Variants in TTC23L observed in about 807,000 individuals in gnomAD.
TTC23L encodes tetratricopeptide repeat domain 23 like, also known as tetratricopeptide repeat protein 23-like.
TTC23L carries 42 observed loss-of-function variants against 48.1 expected under a neutral mutation model. That is an observed-to-expected ratio of 0.87 (90% CI 0.68 to 1.13). TTC23L has a LOEUF of 1.13. TTC23L is among the 50% of genes most tolerant of loss of function. The pLI is 0.00. For missense variants in TTC23L, 391 were observed against 421.0 expected (o/e 0.93, Z 0.62); for synonymous variants, 159 against 157.2 (o/e 1.01, Z -0.09).
chr5:34,888,526 C>T, intron 9 of TTC23L: 4 of 985,232 alleles, frequency 4.1e-6, no homozygotes, highest in Non-Finnish European at 4.8e-6. Context: ...GCCTCCTTAC[C>T]CTGTGGCAGA....
chr5:34,923,563 C>T, the TTC23L span, among the ~76,000 whole-genome samples: 1 of 152,216 alleles, frequency 6.6e-6, no homozygotes. Flanking sequence ...CAGGCGTGAG[C>T]CACTACACCC....
the TTC23L span, chr5:34,907,122 G>A: frequency 6.6e-6 from 1 of 152,184 alleles, no homozygotes; most frequent in African/African-American, 2.4e-5. Flanking sequence ...GCCTGCCATT[G>A]TGCTGGAGTA....
At chr5:34,924,817 C>T in the TTC23L span, 1 of 1,543,814 alleles carries the variant, frequency 6.5e-7, no homozygotes, top group Non-Finnish European at 8.9e-7. Context: ...CGTAACCAAA[C>T]CAAAATGAAA....
At chr5:34,925,468 G>A in the TTC23L span, 2 of 1,613,012 alleles carry the variant, frequency 1.2e-6, no homozygotes, top group African/African-American at 2.7e-5. Flanking sequence ...AAATGAAACA[G>A]AGGATGGACA....
chr5:34,911,859 G>A, the TTC23L span: 2 of 1,577,882 alleles, frequency 1.3e-6, no homozygotes, highest in South Asian at 1.2e-5. Flanking sequence ...ATAGTTCTGG[G>A]TTCAGCTTCT....
intron 7 of TTC23L, chr5:34,867,346 A>C (rs1580453568): frequency 2.2e-6 from 1 of 456,366 alleles, no homozygotes; most frequent in Non-Finnish European, 4.0e-6. Flanking sequence ...TGTAAAAAAG[A>C]AGCAAAATGT....
chr5:34,901,703 G>A (rs1016868635), downstream of TTC23L, among the ~76,000 whole-genome samples: 3 of 152,048 alleles, frequency 2.0e-5, no homozygotes, highest in African/African-American at 7.2e-5. Flanking sequence ...TGGAGGTTGC[G>A]GTGAGCTGAG....
intron 9 of TTC23L, chr5:34,880,582 T>C (rs1342277764): frequency 2.2e-6 from 1 of 446,466 alleles, no homozygotes; most frequent in African/African-American, 2.1e-5. Context: ...AGGGACTCGA[T>C]ATTGATGGCA....
chr5:34,910,854 A>G, the TTC23L span, among the ~76,000 whole-genome samples: 4 of 152,204 alleles, frequency 2.6e-5, no homozygotes, highest in Non-Finnish European at 5.9e-5. Flanking sequence ...CCTCTCTCTA[A>G]ATTGCTAGAA....
At chr5:34,853,916 G>C (rs1416021807) in intron 4 of TTC23L, among the ~76,000 whole-genome samples, 1 of 152,200 alleles carries the variant, frequency 6.6e-6, no homozygotes, top group Non-Finnish European at 1.5e-5. Context: ...GAAGGCATTT[G>C]AGAGGGAGAT....
At chr5:34,858,136 A>G (rs1293545384) in intron 4 of TTC23L, among the ~76,000 whole-genome samples, 1 of 152,246 alleles carries the variant, frequency 6.6e-6, no homozygotes, top group Non-Finnish European at 1.5e-5. Flanking sequence ...CTTGGGCTCC[A>G]GAAGCAGGCC....
chr5:34,908,573 T>A, the TTC23L span: 11 of 505,070 alleles, frequency 2.2e-5, no homozygotes, highest in Non-Finnish European at 3.9e-5. Context: ...AGGAAAACAT[T>A]TATTTACATG....
In TTC23L at chr5:34,892,798, C is replaced by T. The variant is rs990883312; in HGVS notation, c.1078-3972C>T. Among the ~76,000 whole-genome samples the T allele has an allele frequency of 3.3e-5, 5 of 151,960 alleles. No homozygotes were observed. The East Asian group carries it at 9.6e-4, about 29-fold the overall frequency. ...ATTGCTGAGGAAAAGCAAGTGGCCT[C>T]GAGTGGTTGTAGTTTAAGGTACCTA... is the stretch of plus-strand genomic sequence containing the variant. On this transcript the variant is annotated intron_variant, in intron 9 of 10. Transcript: ENST00000505624.
At chr5:34,925,395 T>C in the TTC23L span, 1 of 1,613,844 alleles carries the variant, frequency 6.2e-7, no homozygotes, top group Non-Finnish European at 8.5e-7. Context: ...ATACAGTGGG[T>C]AAAACCAGAG....
chr5:34,841,322 A>G (rs1758653453), intron 2 of TTC23L, among the ~76,000 whole-genome samples: 2 of 152,180 alleles, frequency 1.3e-5, no homozygotes, highest in South Asian at 2.1e-4. Flanking sequence ...AGCACATACT[A>G]TGTGCCAGGC....
At chr5:34,882,618 T>TACACACACACACAC (rs146120966) in intron 9 of TTC23L, among the ~76,000 whole-genome samples, 2,873 of 140,862 alleles carry the variant, frequency 0.02, 58 homozygotes, top group South Asian at 0.057. Flanking sequence ...TCCCATGGAC[T>TACACACACACACAC]ACACACACAC....
At chr5:34,862,457 T>G (rs376932612) in intron 4 of TTC23L, among the ~76,000 whole-genome samples, 199 of 152,312 alleles carry the variant, frequency 1.3e-3, no homozygotes, top group African/African-American at 4.5e-3. Flanking sequence ...AAGGGTCAGC[T>G]TCTATAATTA....
At chr5:34,846,561 C>CAAAAAAAAA (rs1156709677) in intron 3 of TTC23L, among the ~76,000 whole-genome samples, 2,685 of 31,422 alleles carry the variant, frequency 0.085, 562 homozygotes, top group Non-Finnish European at 0.11. Context: ...GACTCTGTCT[C>CAAAAAAAAA]AAAAAAAAAA....
At chr5:34,904,086 C>T (rs1235008580), downstream of TTC23L, among the ~76,000 whole-genome samples, 2 of 151,720 alleles carry the variant, frequency 1.3e-5, no homozygotes, top group Non-Finnish European at 2.9e-5. Context: ...CCGCCTTAGC[C>T]TCTGGAGTAG....
Sources: gnomAD v4.1 joint callset for allele counts (sites outside exome capture counted in the v4.1 genomes callset) on GRCh38, gnomAD v4.1.1 for gene constraint, MANE v1.5 for transcripts, NCBI Gene and HGNC (gene_info 2026-07-23, HGNC 2026-07-21) for gene names.